RAPGEF6: variants seen among roughly 807,000 people sequenced by gnomAD.
RAPGEF6 encodes the protein Rap guanine nucleotide exchange factor 6, also known as PDZ domain containing guanine nucleotide exchange factor (GEF) 2.
RAPGEF6 carries 56 observed loss-of-function variants against 171.4 expected under a neutral mutation model. That is an observed-to-expected ratio of 0.33 (90% CI 0.26 to 0.41). The LOEUF (loss-of-function observed/expected upper bound fraction) is 0.41, where lower values mean the gene tolerates loss of function less well. Among genes scored for constraint, RAPGEF6 ranks in the 10% least tolerant of loss-of-function variants. The pLI is 1.00. For missense variants in RAPGEF6, 1,674 were observed against 1,921.4 expected (o/e 0.87, Z 2.41); for synonymous variants, 692 against 650.1 (o/e 1.06, Z -0.98).
At chr5:131,449,909 T>C in intron 21 of RAPGEF6, 1 of 1,166,894 alleles carries the variant, frequency 8.6e-7, no homozygotes, top group South Asian at 1.4e-5. Flanking sequence ...GAATGTAGGC[T>C]GACAGGGTTA....
intron 27 of RAPGEF6, among the ~76,000 whole-genome samples, chr5:131,428,482 C>CA (rs1465816373): frequency 6.0e-5 from 9 of 148,938 alleles, no homozygotes; most frequent in South Asian, 2.1e-4. Context: ...TTTTTGGAGA[C>CA]AGAGTTTTGT....
intron 15 of RAPGEF6, among the ~76,000 whole-genome samples, chr5:131,482,458 G>A (rs1323000456): frequency 6.6e-6 from 1 of 152,036 alleles, no homozygotes; most frequent in Admixed American, 6.6e-5. Flanking sequence ...ATGTGCTACT[G>A]CACCCAGCTC....
At chr5:131,430,042 T>G (rs1751602867) in intron 26 of RAPGEF6, among the ~76,000 whole-genome samples, 1 of 129,684 alleles carries the variant, frequency 7.7e-6, no homozygotes, top group African/African-American at 3.3e-5. Context: ...ACAGCAAGAG[T>G]CCATCTCAAA....
At chr5:131,529,335 G>A (rs749472000) in intron 6 of RAPGEF6, among the ~76,000 whole-genome samples, 9 of 152,006 alleles carry the variant, frequency 5.9e-5, no homozygotes, top group Non-Finnish European at 1.2e-4. Flanking sequence ...AATTAGCCGG[G>A]AGTGGTGGCA....
chr5:131,533,696 G>A (rs986843808), intron 6 of RAPGEF6, among the ~76,000 whole-genome samples: 1 of 152,028 alleles, frequency 6.6e-6, no homozygotes, highest in East Asian at 1.9e-4. Flanking sequence ...AATAGTTGCA[G>A]CATGCACCTA....
chr5:131,618,416 A>C (rs1450231884), intron 1 of RAPGEF6, among the ~76,000 whole-genome samples: 1 of 152,126 alleles, frequency 6.6e-6, no homozygotes, highest in African/African-American at 2.4e-5. Flanking sequence ...GGATCACTTG[A>C]GGTCAGGAGT....
At chr5:131,439,919 G>C in intron 23 of RAPGEF6, 1 of 898,044 alleles carries the variant, frequency 1.1e-6, no homozygotes, top group Non-Finnish European at 1.6e-6. Context: ...AATTCAGCTG[G>C]TCAGCATGGA....
intron 24 of RAPGEF6, among the ~76,000 whole-genome samples, chr5:131,434,220 CTTGAG>C (rs1236123584): frequency 2.6e-5 from 4 of 152,158 alleles, no homozygotes; most frequent in Non-Finnish European, 5.9e-5. Flanking sequence ...GAAGTCTTGT[CTTGAG>C]TTGAGAGTCA....
intron 4 of RAPGEF6, among the ~76,000 whole-genome samples, chr5:131,589,419 T>A (rs760481673): frequency 3.9e-5 from 6 of 152,204 alleles, no homozygotes; most frequent in Admixed American, 2.0e-4. Context: ...CTAGCAATGA[T>A]TGTTGTTGTG....
At chr5:131,574,134 G>C (rs1473454536) in intron 4 of RAPGEF6, among the ~76,000 whole-genome samples, 2 of 152,178 alleles carry the variant, frequency 1.3e-5, no homozygotes, top group African/African-American at 4.8e-5. Flanking sequence ...CATGGACCTT[G>C]CTTCAAATGC....
rs76051186 is a variant in RAPGEF6 at position 131,425,888 on chromosome 5, T to A, written c.*1378A>T. The A allele has an allele frequency of 7.0e-6, 1 of 142,558 alleles. No individual in the cohort carries two copies. Among genetic ancestry groups the A allele is most frequent in the Admixed American group, 7.0e-5 (1 of 14,288 alleles). 8.8% of individuals were successfully genotyped at this position (142,558 alleles called of 1,614,324 possible). A position where few individuals can be genotyped will look rare whatever the true frequency, so the allele number is the denominator to read the frequency against. On this transcript the variant is annotated 3_prime_UTR_variant, in exon 28 of 28. Transcript: ENST00000509018. ...GTAGTGCACGTTAATGGCTTTGGCTTTTTTTTTTTTTTTTTTTTTGGTAAT... is the reference window on the plus strand; with the variant it reads ...GTAGTGCACGTTAATGGCTTTGGCTATTTTTTTTTTTTTTTTTTTGGTAAT...
intron 15 of RAPGEF6, among the ~76,000 whole-genome samples, chr5:131,484,368 AG>A (rs1310721470): frequency 4.6e-5 from 7 of 151,308 alleles, no homozygotes; most frequent in Non-Finnish European, 8.8e-5. Context: ...CTGGGACTAC[AG>A]GTGCATGCCA....
At position 131,563,708 on chromosome 5, in the gene RAPGEF6, T is replaced by C. The variant is rs548163127; in HGVS notation, c.282-1661A>G. 6.6e-5 allele frequency among the ~76,000 whole-genome samples: 10 copies of C among 152,246 alleles called. No individual in the cohort carries two copies. In the East Asian group the frequency reaches 1.3e-3, roughly 21 times the overall value. The stretch of plus-strand genomic sequence containing the variant: ...TTGTAGAGACAGGGGTTTTGTCATT[T>C]TCACTATGCTGGTCTTGAACTCCTG... On this transcript the variant is annotated intron_variant, in intron 4 of 27. Coordinates refer to ENST00000509018, the MANE Select transcript of RAPGEF6 (RefSeq NM_016340.6).
At position 131,489,651 on chromosome 5, in the gene RAPGEF6, T is replaced by A. The variant is rs1756150135; in HGVS notation, c.1735A>T (p.Met579Leu). ...DSGLKRGDQI[M>L]EVNGQNFENI... The stretch of plus-strand genomic sequence containing the variant: ...TCAAAGTTTTGTCCATTTACTTCCA[T>A]AATCTTAAAAGTATTTAAAAAATAC... Residue 579 changes from methionine (M) to leucine (L), a missense_variant, in exon 15 of 28, where the codon ATG becomes TTG. Transcript: ENST00000509018. 2.6e-6 allele frequency: 4 copies of A among 1,513,706 alleles called. No individual in the cohort carries two copies. In the South Asian group the frequency reaches 3.6e-5, roughly 13 times the overall value. 93.8% of individuals were successfully genotyped at this position (1,513,706 alleles called of 1,614,324 possible). A position where few individuals can be genotyped will look rare whatever the true frequency, so the allele number is the denominator to read the frequency against.
intron 4 of RAPGEF6, among the ~76,000 whole-genome samples, chr5:131,574,685 C>T (rs1421392253): frequency 6.6e-6 from 1 of 152,070 alleles, no homozygotes; most frequent in East Asian, 1.9e-4. Flanking sequence ...ACAGCCACAC[C>T]TCATTGCTGC....
rs1428114728 is a variant in RAPGEF6, at chr5:131,585,287, ACTATACATACAT to A, written c.281+7084_281+7095del. Among the ~76,000 whole-genome samples the A allele has an allele frequency of 6.2e-3, 756 of 122,870 alleles. 9 individuals carry two copies. Among genetic ancestry groups the A allele is most frequent in the South Asian group, 4.5e-3 (17 of 3,804 alleles). The allele number at this position is 122,870 out of a possible 152,430, so 80.6% of individuals were successfully genotyped here. A position where few individuals can be genotyped will look rare whatever the true frequency, so the allele number is the denominator to read the frequency against. On this transcript the variant is annotated intron_variant, in intron 4 of 27. Transcript: ENST00000509018. ...TTCTAGAAAATAAGAAAAAAAAAAA[ACTATACATACAT>A]ACATACATACATACATACATACATA...
In RAPGEF6 at chr5:131,504,581, G is replaced by C. The variant is rs368199882; in HGVS notation, c.1254+45C>G. 6 of 1,508,230 alleles carry C rather than the reference G, an allele frequency of 4.0e-6. No individual in the cohort carries two copies. In the African/African-American group the frequency reaches 4.2e-5, roughly 11 times the overall value. The allele number at this position is 1,508,230 out of a possible 1,614,324, so 93.4% of individuals were successfully genotyped here. The stretch of plus-strand genomic sequence containing the variant: ...TTTAAAACAAGATGAAAGCTTTGAT[G>C]ATAGAATAAAATCAGTGACTAGAAA... On this transcript the variant is annotated intron_variant, in intron 11 of 27. Coordinates refer to ENST00000509018, the MANE Select transcript of RAPGEF6 (RefSeq NM_016340.6).
At chr5:131,493,392 T>TA (rs1329321825) in intron 13 of RAPGEF6, among the ~76,000 whole-genome samples, 3 of 152,140 alleles carry the variant, frequency 2.0e-5, no homozygotes. Flanking sequence ...CTTTTCCTAA[T>TA]ACACACTCTA....
At chr5:131,629,542 C>T (rs544121535) in intron 1 of RAPGEF6, among the ~76,000 whole-genome samples, 3 of 150,780 alleles carry the variant, frequency 2.0e-5, no homozygotes, top group African/African-American at 7.3e-5. Flanking sequence ...TTGCTTGGGC[C>T]CAGGAGTTCA....
Sources: allele counts gnomAD v4.1 joint callset (sites outside exome capture counted in the v4.1 genomes callset), GRCh38; gene constraint gnomAD v4.1.1; transcripts MANE v1.5; gene names NCBI Gene and HGNC (gene_info 2026-07-23, HGNC 2026-07-21).